The following SEC24A variants were observed in gnomAD, a reference collection of about 807,000 sequenced individuals.
SEC24A encodes the protein SEC24 homolog A, COPII component.
A neutral mutation model predicts 129.4 loss-of-function variants in SEC24A; 93 were observed. That is an observed-to-expected ratio of 0.72 (90% CI 0.61 to 0.85). SEC24A has a LOEUF of 0.85. Among genes scored for constraint, SEC24A ranks in the 40% least tolerant of loss-of-function variants. The pLI is 0.00. For synonymous variants in SEC24A, 460 were observed against 467.3 expected (o/e 0.98, Z 0.20); for missense variants, 1,264 against 1,307.4 (o/e 0.97, Z 0.51).
At chr5:134,699,361 C>T (rs1180503069) in intron 15 of SEC24A, among the ~76,000 whole-genome samples, 1 of 148,826 alleles carries the variant, frequency 6.7e-6, no homozygotes, top group Non-Finnish European at 1.5e-5. Context: ...TGCAGTGGCA[C>T]GATCTCAGCT....
intron 17 of SEC24A, among the ~76,000 whole-genome samples, chr5:134,706,835 C>T (rs1223320833): frequency 6.6e-6 from 1 of 152,108 alleles, no homozygotes; most frequent in Non-Finnish European, 1.5e-5. Context: ...GGACTACAGG[C>T]GCACGACACC....
chr5:134,648,983 G>C lies in SEC24A; in HGVS notation c.-94G>C, dbSNP rs1039885763. On this transcript the variant is annotated 5_prime_UTR_variant, in exon 1 of 23. Transcript: ENST00000398844. ...TTCTCCCAGTCTTCAGTCTTAAGTCGTTAGCCTCCTCCCTCCGCTTTCAGC... is the reference window on the plus strand; with the variant it reads ...TTCTCCCAGTCTTCAGTCTTAAGTCCTTAGCCTCCTCCCTCCGCTTTCAGC... 5.6e-6 allele frequency: 5 copies of C among 889,858 alleles called. No individual in the cohort carries two copies. The African/African-American group carries it at 8.4e-5, about 15-fold the overall frequency. The allele number at this position is 889,858 out of a possible 1,614,324, so 55.1% of individuals were successfully genotyped here.
At chr5:134,691,736 C>T (rs1430625711) in intron 11 of SEC24A, among the ~76,000 whole-genome samples, 10 of 152,034 alleles carry the variant, frequency 6.6e-5, no homozygotes, top group Admixed American at 3.9e-4. Context: ...CCGCCCGCGT[C>T]GGCCTCCCAA....
chr5:134,717,936 A>T (rs1278848380), intron 19 of SEC24A, 133 bp from the exon 20 acceptor site: 1 of 600,966 alleles, frequency 1.7e-6, no homozygotes, highest in Admixed American at 2.9e-5. Flanking sequence ...ATAAATAAAT[A>T]AGAATAATTG....
chr5:134,692,210 C>G (rs1037044533), intron 11 of SEC24A, among the ~76,000 whole-genome samples: 2 of 151,904 alleles, frequency 1.3e-5, no homozygotes, highest in African/African-American at 4.8e-5. Context: ...CCATGCCTGG[C>G]TCATTTTTGT....
At chr5:134,695,347 A>G (rs538777317) in intron 13 of SEC24A, among the ~76,000 whole-genome samples, 1 of 151,944 alleles carries the variant, frequency 6.6e-6, no homozygotes, top group Admixed American at 6.6e-5. Flanking sequence ...GGAAACAACA[A>G]CAACAACAAC....
At chr5:134,719,537 C>T (rs145299956) in intron 20 of SEC24A, among the ~76,000 whole-genome samples, 1,701 of 152,042 alleles carry the variant, frequency 0.011, 20 homozygotes, top group Non-Finnish European at 0.015. Flanking sequence ...ACTCAAAATA[C>T]CAAATCCAGG....
At chr5:134,664,638 T>C (rs1750589688) in intron 2 of SEC24A, among the ~76,000 whole-genome samples, 1 of 152,082 alleles carries the variant, frequency 6.6e-6, no homozygotes. Context: ...TGCCCCTTTG[T>C]TCCTTTGACT....
intron 3 of SEC24A, among the ~76,000 whole-genome samples, chr5:134,668,313 G>A (rs915094093): frequency 6.6e-6 from 1 of 152,172 alleles, no homozygotes; most frequent in Non-Finnish European, 1.5e-5. Flanking sequence ...ACAAGGCCGG[G>A]CGTGGTGGCT....
chr5:134,693,452 T>G (rs1292356206), intron 12 of SEC24A: 1 of 1,374,758 alleles, frequency 7.3e-7, no homozygotes. Context: ...CTCTAAACTG[T>G]GATGGTTCTT....
intron 18 of SEC24A, among the ~76,000 whole-genome samples, chr5:134,710,157 C>T (rs1433722880): frequency 2.6e-5 from 4 of 151,644 alleles, no homozygotes; most frequent in East Asian, 3.9e-4. Flanking sequence ...CCTTGGCCTC[C>T]CAAATTGCTA....
Position 134,670,729 on chromosome 5 carries a change from C to T in SEC24A, c.740-1080C>T, listed in dbSNP as rs569529981. Among the ~76,000 whole-genome samples the T allele has an allele frequency of 3.3e-5, 5 of 152,292 alleles. No individual in the cohort carries two copies. In the South Asian group the frequency reaches 1.0e-3, roughly 32 times the overall value. On this transcript the variant is annotated intron_variant, in intron 3 of 22. Coordinates refer to ENST00000398844, the MANE Select transcript of SEC24A (RefSeq NM_021982.3). ...TAAGGGCTGGGCACGGTGGCTCATG[C>T]CTGTAATCCCAGCACTTTGGGAGGC...
At chr5:134,719,496 A>G (rs1453529900) in intron 20 of SEC24A, among the ~76,000 whole-genome samples, 1 of 152,044 alleles carries the variant, frequency 6.6e-6, no homozygotes. Context: ...ATTCGAGAAC[A>G]GCCTGGGCAA....
intron 9 of SEC24A, among the ~76,000 whole-genome samples, chr5:134,686,021 T>G (rs1751439735): frequency 6.6e-6 from 1 of 152,074 alleles, no homozygotes; most frequent in African/African-American, 2.4e-5. Flanking sequence ...CTTATGTTTT[T>G]ATGAGATTTG....
intron 16 of SEC24A, among the ~76,000 whole-genome samples, chr5:134,704,668 T>G (rs1752099076): frequency 6.6e-6 from 1 of 151,852 alleles, no homozygotes; most frequent in Admixed American, 6.6e-5. Context: ...CCAGGTATAG[T>G]GGCACACACT....
In SEC24A at chr5:134,708,696, A is replaced by T. The variant is rs1216913218; in HGVS notation, c.2552-17A>T. 1.3e-6 allele frequency: 2 copies of T among 1,599,538 alleles called. No homozygotes were observed. Among genetic ancestry groups the T allele is most frequent in the Admixed American group, 1.8e-5 (1 of 55,850 alleles). ...TCTATCATATTTCTTTTTTGTCCTT[A>T]CCCTCACCTTGCTTAGCTGTTGACA... On this transcript the variant is annotated splice_polypyrimidine_tract_variant and intron_variant, in intron 17 of 22. Transcript: ENST00000398844.
intron 21 of SEC24A, among the ~76,000 whole-genome samples, chr5:134,721,874 AAAAT>A (rs1457624169): frequency 1.3e-5 from 2 of 152,202 alleles, no homozygotes; most frequent in African/African-American, 4.8e-5. Context: ...CCTGTCTCAA[AAAAT>A]AAATAAATAA....
chr5:134,674,977 A>G, intron 5 of SEC24A, 68 bp from the exon 6 acceptor site: 1 of 1,329,450 alleles, frequency 7.5e-7, no homozygotes, highest in Non-Finnish European at 1.0e-6. Context: ...TTTGTTATTT[A>G]CAGAGAAATT....
intron 1 of SEC24A, among the ~76,000 whole-genome samples, chr5:134,654,195 CAGT>C (rs781624028): frequency 5.3e-5 from 8 of 151,308 alleles, no homozygotes; most frequent in Non-Finnish European, 8.8e-5. Context: ...AAAGACCTAA[CAGT>C]AGCCTTTTTC....
Sources: gnomAD v4.1 joint callset for allele counts (sites outside exome capture counted in the v4.1 genomes callset) on GRCh38, gnomAD v4.1.1 for gene constraint, MANE v1.5 for transcripts, NCBI Gene and HGNC (gene_info 2026-07-23, HGNC 2026-07-21) for gene names.